The following ABCA10 variants were observed in gnomAD, a reference collection of about 807,000 sequenced individuals.
ABCA10 encodes the protein ATP-binding cassette sub-family A member 10.
In ABCA10, 169 loss-of-function variants were observed where a neutral mutation model predicts 187.5. The ratio of observed to expected loss-of-function variants is 0.90; its 90% CI spans 0.80 to 1.02. The LOEUF is 1.02. Ranked by LOEUF, ABCA10 falls within the 50% of genes least tolerant of loss-of-function variation. The pLI is 0.00. For missense variants in ABCA10, 1,727 were observed against 1,812.4 expected, an observed-to-expected ratio of 0.95 and a Z score of 0.86; for synonymous variants, 574 against 601.8, an observed-to-expected ratio of 0.95 and a Z score of 0.68.
chr17:69,180,244 G>A (rs1474317006), intron 22 of ABCA10, among the ~76,000 whole-genome samples: 1 of 152,100 alleles, frequency 6.6e-6, no homozygotes, highest in African/African-American at 2.4e-5. Context: ...AACAAACGGT[G>A]CACAGCATAA....
upstream of ABCA10, among the ~76,000 whole-genome samples, chr17:69,230,502 C>T (rs9302893): frequency 0.76 from 113,210 of 149,478 alleles, 42,637 homozygotes; most frequent in Non-Finnish European, 0.8. Flanking sequence ...TTAGCCTTTA[C>T]ATATTTATAA....
intron 30 of ABCA10, 95 bp from the exon 31 acceptor site, chr17:69,154,421 T>A: frequency 7.1e-3 from 86 of 12,114 alleles, no homozygotes; most frequent in Non-Finnish European, 0.013. Context: ...ACAAAATGAC[T>A]TTTTTTTTTT....
intron 3 of ABCA10, 131 bp from the exon 4 acceptor site, chr17:69,222,828 A>C: frequency 1.3e-6 from 1 of 762,754 alleles, no homozygotes; most frequent in Non-Finnish European, 1.9e-6. Context: ...GCTGCCTCTT[A>C]GTAAAAGGCT....
At chr17:69,158,882 T>C (rs141358635) in intron 27 of ABCA10, among the ~76,000 whole-genome samples, 13 of 152,162 alleles carry the variant, frequency 8.5e-5, no homozygotes, top group African/African-American at 2.4e-4. Context: ...TCCATAGATA[T>C]AAGCAAATTT....
In ABCA10 at chr17:69,177,972, A is replaced by AT. The variant is rs1568057366; in HGVS notation, c.2770-2460_2770-2459insA. The stretch of plus-strand genomic sequence containing the variant: ...CTCCATTTCAAAAAAAAAAAAAAAA[A>AT]AATATATATATATATATATGTTATA... On this transcript the variant is annotated intron_variant, in intron 22 of 38. Transcript: ENST00000690296. 2.6e-3 allele frequency among the ~76,000 whole-genome samples: 228 copies of AT among 87,686 alleles called. 3 individuals carry two copies. Among genetic ancestry groups the AT allele is most frequent in the East Asian group, 4.1e-3 (17 of 4,110 alleles). 57.5% of individuals were successfully genotyped at this position (87,686 alleles called of 152,430 possible).
intron 1 of ABCA10, chr17:69,244,305 T>C (rs2074927016): frequency 6.6e-6 from 1 of 152,090 alleles, no homozygotes. Context: ...AAAAAATTAC[T>C]AACAATTTTA....
Position 69,221,903 on chromosome 17 carries a change from G to A in ABCA10, c.200-8C>T. Reference sequence around the variant, plus strand: ...GCATGGCCCAACAGTGTTCTTTAAGGAAGAAGAAAAACATGTCCATAGTTA... The same window carrying A: ...GCATGGCCCAACAGTGTTCTTTAAGAAAGAAGAAAAACATGTCCATAGTTA... On this transcript the variant is annotated splice_polypyrimidine_tract_variant and splice_region_variant and intron_variant, in intron 4 of 38. Coordinates refer to ENST00000690296, the MANE Select transcript of ABCA10 (RefSeq NM_001377321.1). The A allele has an allele frequency of 6.3e-7, 1 of 1,588,946 alleles. No individual in the cohort carries two copies. The highest frequency in any genetic ancestry group is 1.2e-5 in the South Asian group (1 of 86,702).
In ABCA10 at chr17:69,214,599, TCTA is replaced by T. The variant is rs1299464010; in HGVS notation, c.1006+102_1006+104del. The T allele has an allele frequency of 5.8e-6, 6 of 1,027,690 alleles. No homozygotes were observed. In the African/African-American group the frequency reaches 8.4e-5, roughly 14 times the overall value. 63.7% of individuals were successfully genotyped at this position (1,027,690 alleles called of 1,614,324 possible). On this transcript the variant is annotated intron_variant, in intron 9 of 38. Transcript: ENST00000690296. ...TCTATTGTTTTGAAATTTTTTCTTC[TCTA>T]CTATCAGAAATGCTTCTTAAGTTAC...
rs908500288 is a variant in ABCA10, at chr17:69,154,254, G to C, written c.3767C>G (p.Thr1256Arg). 9.3e-6 allele frequency: 15 copies of C among 1,611,484 alleles called. No individual in the cohort carries two copies. Among genetic ancestry groups the C allele is most frequent in the Non-Finnish European group, 1.3e-5 (15 of 1,179,176 alleles). Reference sequence around the variant, plus strand: ...ACATACCACTCCTGCAGTTGGCTTTGTGCACCCAGTTATCATTTTAATGGA... The same window carrying C: ...ACATACCACTCCTGCAGTTGGCTTTCTGCACCCAGTTATCATTTTAATGGA... ...STSIKMITGCTKPTAGVVVLQ... is the reference protein window; with the variant it reads ...STSIKMITGCRKPTAGVVVLQ... Residue 1256 changes from threonine (T) to arginine (R), a missense_variant, in exon 31 of 39, where the codon ACA becomes AGA. Thr to Arg is a moderately conservative substitution (Grantham distance 71). Transcript: ENST00000690296.
chr17:69,174,396 T>C lies in ABCA10; in HGVS notation c.3049-2A>G. 3.8e-6 allele frequency: 6 copies of C among 1,576,814 alleles called. No homozygotes were observed. Among genetic ancestry groups the C allele is most frequent in the Non-Finnish European group, 5.2e-6 (6 of 1,161,162 alleles). On this transcript the variant is annotated splice_acceptor_variant, in intron 24 of 38. Coordinates refer to ENST00000690296, the MANE Select transcript of ABCA10 (RefSeq NM_001377321.1). LOFTEE classifies it high-confidence loss of function. ...TGCACAACCAATTATGCATACCACC[T>C]GCAAATAATGAGGATCAATGGCAAG... is the stretch of plus-strand genomic sequence containing the variant.
intron 1 of ABCA10, among the ~76,000 whole-genome samples, chr17:69,235,207 G>A (rs1325199869): frequency 6.6e-6 from 1 of 152,096 alleles, no homozygotes; most frequent in Non-Finnish European, 1.5e-5. Context: ...TTCAATATTA[G>A]AGATAACTAG....
At chr17:69,186,467 C>T (rs1240543532) in intron 19 of ABCA10, among the ~76,000 whole-genome samples, 2 of 152,150 alleles carry the variant, frequency 1.3e-5, no homozygotes, top group African/African-American at 4.8e-5. Flanking sequence ...ACTCTCCACC[C>T]TCCGTCTATC....
At chr17:69,163,739 A>G (rs1278992247) in intron 27 of ABCA10, among the ~76,000 whole-genome samples, 1 of 152,092 alleles carries the variant, frequency 6.6e-6, no homozygotes, top group Admixed American at 6.6e-5. Flanking sequence ...CCTCCTCATT[A>G]TTCAAATTAG....
chr17:69,158,272 A>C (rs542035322), intron 27 of ABCA10, among the ~76,000 whole-genome samples: 1 of 152,148 alleles, frequency 6.6e-6, no homozygotes, highest in South Asian at 2.1e-4. Context: ...AGAATATATA[A>C]TGCAGTATAT....
At chr17:69,168,108 A>G (rs2144771469) in intron 25 of ABCA10, among the ~76,000 whole-genome samples, 1 of 152,296 alleles carries the variant, frequency 6.6e-6, no homozygotes, top group Admixed American at 6.5e-5. Context: ...GACTTTCTTA[A>G]TAACATTTTC....
intron 2 of ABCA10, among the ~76,000 whole-genome samples, chr17:69,226,387 G>C (rs1029986587): frequency 6.6e-6 from 1 of 151,910 alleles, no homozygotes; most frequent in African/African-American, 2.4e-5. Context: ...ATATTTGATC[G>C]AACTGCTTCG....
intron 25 of ABCA10, among the ~76,000 whole-genome samples, chr17:69,166,558 T>C (rs991245023): frequency 2.6e-5 from 4 of 152,220 alleles, no homozygotes; most frequent in African/African-American, 4.8e-5. Flanking sequence ...CCAACTTTTA[T>C]ACCTATAGGC....
At chr17:69,159,483 G>A (rs11654430) in intron 27 of ABCA10, among the ~76,000 whole-genome samples, 85,017 of 151,840 alleles carry the variant, frequency 0.56, 25,284 homozygotes, top group Non-Finnish European at 0.67. Context: ...ATTACAACAA[G>A]ATCCATATCT....
chr17:69,235,212 A>G (rs1387347029), intron 1 of ABCA10, among the ~76,000 whole-genome samples: 1 of 152,196 alleles, frequency 6.6e-6, no homozygotes, highest in Non-Finnish European at 1.5e-5. Flanking sequence ...TATTAGAGAT[A>G]ACTAGATTCT....
Sources: allele counts gnomAD v4.1 joint callset (sites outside exome capture counted in the v4.1 genomes callset), GRCh38; gene constraint gnomAD v4.1.1; transcripts MANE v1.5; gene names NCBI Gene and HGNC (gene_info 2026-07-23, HGNC 2026-07-21).